The following NBEAL2 variants were observed in gnomAD, a reference collection of about 807,000 sequenced individuals.
NBEAL2 encodes neurobeachin-like protein 2.
NBEAL2 carries 160 observed loss-of-function variants against 299.8 expected under a neutral mutation model. The observed-to-expected ratio is 0.53, with a 90% confidence interval of 0.47 to 0.61. NBEAL2 has a LOEUF of 0.61. Ranked by LOEUF, NBEAL2 falls within the 20% of genes least tolerant of loss-of-function variation. The pLI is 0.00. For synonymous variants in NBEAL2, 1,493 were observed against 1,542.3 expected (o/e 0.97, Z 0.75); for missense variants, 3,112 against 3,649.0 (o/e 0.85, Z 3.79).
rs2037664952 is a variant in NBEAL2, at chr3:47,008,908, G to A, written c.8028-81G>A. 1.7e-5 allele frequency: 26 copies of A among 1,559,854 alleles called. 1 individual carries two copies. In the South Asian group the frequency reaches 2.8e-4, roughly 17 times the overall value. On this transcript the variant is annotated intron_variant, in intron 52 of 53. Transcript: ENST00000450053. The stretch of plus-strand genomic sequence containing the variant: ...CCATCCTTAAAATGAGGACAGAGAG[G>A]GTATATGGGATAAGGGATATCTGCT...
At chr3:46,984,833 T>G (rs2035582653) in intron 1 of NBEAL2, among the ~76,000 whole-genome samples, 1 of 152,158 alleles carries the variant, frequency 6.6e-6, no homozygotes, top group Non-Finnish European at 1.5e-5. Context: ...TGGGGGTTGT[T>G]GCCTGGAATT....
rs1483953339 is a variant in NBEAL2, at chr3:47,000,771, C to T, written c.4306-230C>T. 1.3e-5 allele frequency among the ~76,000 whole-genome samples: 2 copies of T among 152,202 alleles called. No homozygotes were observed. Among genetic ancestry groups the T allele is most frequent in the Non-Finnish European group, 2.9e-5 (2 of 68,042 alleles). On this transcript the variant is annotated intron_variant, in intron 27 of 53. Coordinates refer to ENST00000450053, the MANE Select transcript of NBEAL2 (RefSeq NM_015175.3). This position sits in a 1 kb window ranked among gnomAD's most constrained non-coding sequence, Gnocchi z 4.5. ...TGTTCTATGTGAACTGCCTCATCTC[C>T]TCTTGGGAGTCTGGCAAGACCCCAG...
At position 46,988,596 on chromosome 3, in the gene NBEAL2, A is replaced by C; in HGVS notation, c.52-73A>C. 1 of 1,317,488 alleles carries C rather than the reference A, an allele frequency of 7.6e-7. No individual in the cohort carries two copies. Among genetic ancestry groups the C allele is most frequent in the Non-Finnish European group, 1.1e-6 (1 of 917,750 alleles). 81.6% of individuals were successfully genotyped at this position (1,317,488 alleles called of 1,614,324 possible). A position where few individuals can be genotyped will look rare whatever the true frequency, so the allele number is the denominator to read the frequency against. Reference sequence around the variant, plus strand: ...CTCCATTCATTCTTCGCCTCTGTCTACATCCCCTTGTCCCTGCCCTGTTTA... The same window carrying C: ...CTCCATTCATTCTTCGCCTCTGTCTCCATCCCCTTGTCCCTGCCCTGTTTA... On this transcript the variant is annotated intron_variant, in intron 1 of 53. Transcript: ENST00000450053. This position sits in a 1 kb window ranked among gnomAD's most constrained non-coding sequence, Gnocchi z 4.4.
In NBEAL2 at chr3:47,009,608, T is replaced by C. The variant is rs1476070626; in HGVS notation, c.*288T>C. 8.8e-6 allele frequency: 4 copies of C among 454,412 alleles called. No individual in the cohort carries two copies. Among genetic ancestry groups the C allele is most frequent in the Admixed American group, 8.1e-5 (2 of 24,742 alleles). 28.1% of individuals were successfully genotyped at this position (454,412 alleles called of 1,614,324 possible). On this transcript the variant is annotated 3_prime_UTR_variant, in exon 54 of 54. Coordinates refer to ENST00000450053, the MANE Select transcript of NBEAL2 (RefSeq NM_015175.3). ...CGGGGTTCCCCGGCTTCCAAGTCGC[T>C]GTTTCGTCAAAGCACGAGGGCCGCC...
In NBEAL2 at chr3:47,000,125, T is replaced by C. The variant is rs763269266; in HGVS notation, c.4026T>C (p.Pro1342=). 2 of 1,613,648 alleles carry C rather than the reference T, an allele frequency of 1.2e-6. No homozygotes were observed. The highest frequency in any genetic ancestry group is 3.3e-5 in the Admixed American group (2 of 59,998). The change falls in exon 27 of 54, where the codon CCT becomes CCC. Residue 1342 remains proline, a synonymous_variant. Transcript: ENST00000450053. The surrounding 1 kb of genome is among the most constrained non-coding windows in gnomAD (Gnocchi z 4.5). ...CCTCAGAGGCCCCCTGCCCTGACCC[T>C]GATGGCTTTTACCATGCTCTCTCCC... The part of the protein sequence containing the change: ...FLPSEAPCPD[P]DGFYHALSPF...
Position 47,002,208 on chromosome 3 carries a change from A to G in NBEAL2, c.5071A>G (p.Thr1691Ala). ...LQWGLPSLPP[T>A]NGSPTFFEDF... is the part of the protein sequence containing the mutation. ...GTGGGGACTGCCCTCCCTGCCACCC[A>G]CCAATGGCAGCCCCACCTTCTTTGA... Residue 1691 changes from threonine (T) to alanine (A), a missense_variant, in exon 31 of 54, where the codon ACC (threonine) becomes GCC (alanine). Physicochemically the swap from Thr to Ala is moderately conservative, Grantham distance 58. This residue lies in a region of NBEAL2 where 2,243 missense variants were observed against 2,538.1 expected (regional missense o/e 0.88). Transcript: ENST00000450053. The G allele has an allele frequency of 6.5e-7, 1 of 1,533,390 alleles. No individual in the cohort carries two copies. Among genetic ancestry groups the G allele is most frequent in the Non-Finnish European group, 8.8e-7 (1 of 1,137,190 alleles). 95.0% of individuals were successfully genotyped at this position (1,533,390 alleles called of 1,614,324 possible).
At chr3:46,986,941 C>T (rs1432497365) in intron 1 of NBEAL2, among the ~76,000 whole-genome samples, 1 of 151,886 alleles carries the variant, frequency 6.6e-6, no homozygotes, top group East Asian at 1.9e-4. Context: ...GCTGATTGTT[C>T]GGGAGGAGGC....
chr3:46,981,172 C>T (rs1265240571), intron 1 of NBEAL2, among the ~76,000 whole-genome samples: 3 of 151,900 alleles, frequency 2.0e-5, no homozygotes, highest in Non-Finnish European at 2.9e-5. Context: ...TGGCCGGGCA[C>T]GGTGGCTCAC....
rs1472620128 is a variant in NBEAL2 at position 46,997,336 on chromosome 3, T to C, written c.2727T>C (p.Ala909=). 1.9e-6 allele frequency: 3 copies of C among 1,612,852 alleles called. No individual in the cohort carries two copies. The highest frequency in any genetic ancestry group is 2.5e-6 in the Non-Finnish European group (3 of 1,179,842). Residue 909 remains alanine (A), a synonymous_variant, in exon 19 of 54, where the codon GCT becomes GCC. Coordinates refer to ENST00000450053, the MANE Select transcript of NBEAL2 (RefSeq NM_015175.3). ...GAGTAGCTGCACAGCCCAAAGAGGC[T>C]GAAGCAGGTCCAGCTGAAACGCATG... The part of the protein sequence containing the change: ...LERVAAQPKE[A]EAGPAETHDL...
chr3:47,006,346 C>T lies in NBEAL2; in HGVS notation c.7031C>T (p.Thr2344Ile). The change falls in exon 45 of 54, where the codon ACT becomes ATT. Residue 2344 changes from threonine to isoleucine, a missense_variant. Coordinates refer to ENST00000450053, the MANE Select transcript of NBEAL2 (RefSeq NM_015175.3). ...PCQLLKEPHP[T>I]RLSAEEAAHR... ...ACTTACCCACAGGAGCCACATCCAA[C>T]TCGGCTCTCAGCTGAGGAAGCAGCC... 5.6e-6 allele frequency: 9 copies of T among 1,597,822 alleles called. No homozygotes were observed. Among genetic ancestry groups the T allele is most frequent in the Non-Finnish European group, 7.7e-6 (9 of 1,172,416 alleles).
In NBEAL2 at chr3:47,001,776, C is replaced by T; in HGVS notation, c.4732C>T (p.Gln1578Ter). 6.2e-7 allele frequency: 1 copy of T among 1,613,918 alleles called. No individual in the cohort carries two copies. Residue 1578 changes from glutamine (Q) to a stop codon, truncating the protein, a stop_gained, in exon 30 of 54, where the codon CAG (glutamine) becomes TAG (stop). Transcript: ENST00000450053. LOFTEE classifies it high-confidence loss of function. This position sits in a 1 kb window ranked among gnomAD's most constrained non-coding sequence, Gnocchi z 6.1. ...NGTADLREMA[Q>*]IGLRLVLGYI... is the part of the protein sequence containing the mutation. Reference sequence around the variant, plus strand: ...CACAGCTGATCTCCGTGAGATGGCGCAGATTGGCCTACGGCTTGTACTTGG... The same window carrying T: ...CACAGCTGATCTCCGTGAGATGGCGTAGATTGGCCTACGGCTTGTACTTGG...
Position 47,005,615 on chromosome 3 carries a change from G to C in NBEAL2, c.6687G>C (p.Gln2229His), listed in dbSNP as rs2037374792. The C allele has an allele frequency of 1.9e-6, 3 of 1,613,680 alleles. No individual in the cohort carries two copies. Among genetic ancestry groups the C allele is most frequent in the Middle Eastern group, 1.6e-4 (1 of 6,062 alleles). The change falls in exon 41 of 54, where the codon CAG (glutamine) becomes CAC (histidine). Residue 2229 changes from glutamine (Q) to histidine (H), a missense_variant. By Grantham distance (24) the Gln-to-His change is conservative. Transcript: ENST00000450053. ...ACTTTCCTGACTTCCTGGAGAACCA[G>C]AACGGTAGGTGTGAGGTGCTCACAC... ...FFYFPDFLEN[Q>H]NGFDLGCLQL...
chr3:47,001,324 G>A lies in NBEAL2; in HGVS notation c.4530G>A (p.Glu1510=). 1 of 1,612,948 alleles carries A rather than the reference G, an allele frequency of 6.2e-7. No homozygotes were observed. Among genetic ancestry groups the A allele is most frequent in the Non-Finnish European group, 8.5e-7 (1 of 1,179,486 alleles). ...MLESALTDIK[E]APVGVLASLT... ...AGTCAGCCCTGACCGACATCAAAGA[G>A]GCCCCCGTGGGGGTCCTGGCCAGCC... is the stretch of plus-strand genomic sequence containing the variant. Residue 1510 remains glutamate (E), a synonymous_variant, in exon 29 of 54, where the codon GAG becomes GAA. Transcript: ENST00000450053. The surrounding 1 kb of genome is among the most constrained non-coding windows in gnomAD (Gnocchi z 6.1).
chr3:46,980,635 C>T (rs1237545094), intron 1 of NBEAL2, among the ~76,000 whole-genome samples: 3 of 152,210 alleles, frequency 2.0e-5, no homozygotes, highest in South Asian at 2.1e-4. Context: ...GAGGGAGGCC[C>T]GTTCCTCCTG....
At position 46,996,472 on chromosome 3, in the gene NBEAL2, C is replaced by G. The variant is rs2036509685; in HGVS notation, c.2353C>G (p.Leu785Val). Residue 785 changes from leucine (L) to valine (V), a missense_variant, in exon 16 of 54, where the codon CTC becomes GTC. Leu to Val is a conservative substitution (Grantham distance 32). Coordinates refer to ENST00000450053, the MANE Select transcript of NBEAL2 (RefSeq NM_015175.3). The part of the protein sequence containing the change: ...PLQEGSIDST[L>V]AGTQDTRWGS... ...GCAGGAGGGCAGCATCGACTCTACC[C>G]TCGCAGGCACCCAGGACACTCGGTG... 1 of 1,599,468 alleles carries G rather than the reference C, an allele frequency of 6.3e-7. No individual in the cohort carries two copies. The highest frequency in any genetic ancestry group is 1.1e-5 in the South Asian group (1 of 89,740).
rs753033444 is a variant in NBEAL2, at chr3:47,007,146, A to G, written c.7215A>G (p.Pro2405=). ...ACTCCTTCATCACCCAGGGTTCCCC[A>G]GACCTGTTGGTAAGTGCATTGTGCA... ...QPHSFITQGS[P]DLLVTVSASG... is the part of the protein sequence containing the mutation. Residue 2405 remains proline (P), a synonymous_variant, in exon 46 of 54, where the codon CCA becomes CCG. Transcript: ENST00000450053. 6.2e-7 allele frequency: 1 copy of G among 1,613,686 alleles called. No individual in the cohort carries two copies. The highest frequency in any genetic ancestry group is 8.5e-7 in the Non-Finnish European group (1 of 1,179,780).
chr3:46,995,922 T>G lies in NBEAL2; in HGVS notation c.2032-10T>G. ...CCCAAGTATGGCCTAATGTGAGGCTTCTGTTCTAGCACTGCGTGGCTATCG... is the reference window on the plus strand; with the variant it reads ...CCCAAGTATGGCCTAATGTGAGGCTGCTGTTCTAGCACTGCGTGGCTATCG... On this transcript the variant is annotated splice_polypyrimidine_tract_variant and intron_variant, in intron 14 of 53. Coordinates refer to ENST00000450053, the MANE Select transcript of NBEAL2 (RefSeq NM_015175.3). The G allele has an allele frequency of 6.2e-7, 1 of 1,613,270 alleles. No individual in the cohort carries two copies. Among genetic ancestry groups the G allele is most frequent in the Non-Finnish European group, 8.5e-7 (1 of 1,179,608 alleles).
At chr3:46,997,855 G>A (rs1216804483) in intron 20 of NBEAL2, among the ~76,000 whole-genome samples, 161 bp downstream of exon 20, 1 of 152,238 alleles carries the variant, frequency 6.6e-6, no homozygotes, top group Admixed American at 6.5e-5. Flanking sequence ...GGAGGATCTG[G>A]GGAAAGGCCC....
At position 47,006,446 on chromosome 3, in the gene NBEAL2, A is replaced by G; in HGVS notation, c.7131A>G (p.Ala2377=). The change falls in exon 45 of 54, where the codon GCA becomes GCG. Residue 2377 remains alanine, a synonymous_variant. Coordinates refer to ENST00000450053, the MANE Select transcript of NBEAL2 (RefSeq NM_015175.3). ...TGGACGAACTCAAGGCATTCTTCGC[A>G]GAGGTGAAAGGAAGACAAGACCTCA... ...QHLDELKAFF[A]EVVSDGVPLV... is the part of the protein sequence containing the mutation. 6.4e-7 allele frequency: 1 copy of G among 1,573,798 alleles called. No individual in the cohort carries two copies. The highest frequency in any genetic ancestry group is 2.3e-5 in the East Asian group (1 of 42,796).
Sources: gnomAD v4.1 joint callset for allele counts (sites outside exome capture counted in the v4.1 genomes callset) on GRCh38, gnomAD v4.1.1 for gene constraint, gnomAD v4.1.1 regional missense constraint, Gnocchi (gnomAD v3.1) non-coding constraint, MANE v1.5 for transcripts, NCBI Gene and HGNC (gene_info 2026-07-23, HGNC 2026-07-21) for gene names.